The following MTOR variants were observed in gnomAD, a reference collection of about 807,000 sequenced individuals.
The protein encoded by MTOR is serine/threonine-protein kinase mTOR.
MTOR carries 70 observed loss-of-function variants against 319.8 expected under a neutral mutation model. That is an observed-to-expected ratio of 0.22 (90% confidence interval 0.18 to 0.27). The LOEUF is 0.27. Ranked by LOEUF, MTOR falls within the 10% of genes least tolerant of loss-of-function variation. The pLI is 1.00. For missense variants in MTOR, 1,890 were observed against 3,274.4 expected (o/e 0.58, Z 10.32); for synonymous variants, 1,183 against 1,211.4 (o/e 0.98, Z 0.49).
At chr1:11,227,481 T>A (rs1451490299) in intron 19 of MTOR, among the ~76,000 whole-genome samples, 1 of 152,134 alleles carries the variant, frequency 6.6e-6, no homozygotes. Flanking sequence ...AAGTAACTAA[T>A]TGAGGTATCT....
rs779258858 is a variant in MTOR, at chr1:11,238,548, C to A, written c.1856G>T (p.Arg619Leu). Residue 619 changes from arginine (R) to leucine (L), a missense_variant, in exon 12 of 58, where the codon CGC becomes CTC. Arg to Leu is a moderately radical substitution (Grantham distance 102). Around this residue, in one of 15 missense-constraint regions of MTOR, gnomAD observed 418 missense variants for 543.1 expected, o/e 0.77. Coordinates refer to ENST00000361445, the MANE Select transcript of MTOR (RefSeq NM_004958.4). The part of the protein sequence containing the change: ...HFLNSEHKEI[R>L]MEAARTCSRL... ...GGAGCAGGTGCGGGCAGCCTCCATG[C>A]GGATCTCCTTGTGCTCACTGTTCAG... is the stretch of plus-strand genomic sequence containing the variant. 4.3e-6 allele frequency: 7 copies of A among 1,614,158 alleles called. No homozygotes were observed. Among genetic ancestry groups the A allele is most frequent in the Non-Finnish European group, 5.1e-6 (6 of 1,180,034 alleles).
At chr1:11,150,284 T>C in intron 30 of MTOR, 58 bp from the exon 31 acceptor site, 1 of 1,463,336 alleles carries the variant, frequency 6.8e-7, no homozygotes, top group South Asian at 1.2e-5. Context: ...CTACCAATCT[T>C]CCTCTCCTGC....
intron 29 of MTOR, among the ~76,000 whole-genome samples, chr1:11,166,234 A>G (rs1310993899): frequency 1.3e-5 from 2 of 152,358 alleles, no homozygotes; most frequent in African/African-American, 2.4e-5. Flanking sequence ...ACAAAAGCCA[A>G]AATTGACAAA....
At position 11,212,293 on chromosome 1, in the gene MTOR, G is replaced by A. The variant is rs762462291; in HGVS notation, c.3561+19C>T. 1 of 1,609,920 alleles carries A rather than the reference G, an allele frequency of 6.2e-7. No homozygotes were observed. The highest frequency in any genetic ancestry group is 8.5e-7 in the Non-Finnish European group (1 of 1,177,794). On this transcript the variant is annotated intron_variant, in intron 23 of 57. Transcript: ENST00000361445. The surrounding 1 kb of genome is among the most constrained non-coding windows in gnomAD (Gnocchi z 4.1). ...AAATAAGGCAGAAGAGCACCTGTCT[G>A]TCCAGACTCCCATCTTACCTTCTTC... is the stretch of plus-strand genomic sequence containing the variant.
In MTOR at chr1:11,127,285, G is replaced by T; in HGVS notation, c.6217-141C>A. 2 of 1,203,802 alleles carry T rather than the reference G, an allele frequency of 1.7e-6. No homozygotes were observed. The highest frequency in any genetic ancestry group is 2.3e-6 in the Non-Finnish European group (2 of 870,854). 74.6% of individuals were successfully genotyped at this position (1,203,802 alleles called of 1,614,324 possible). On this transcript the variant is annotated intron_variant, in intron 44 of 57. Transcript: ENST00000361445. This position sits in a 1 kb window ranked among gnomAD's most constrained non-coding sequence, Gnocchi z 5.5. ...TGGCAGGGGGCTGGAGAAAGCAAGAGCATAGGTGCAGGCCTCCAACCCTGG... is the reference window on the plus strand; with the variant it reads ...TGGCAGGGGGCTGGAGAAAGCAAGATCATAGGTGCAGGCCTCCAACCCTGG...
chr1:11,122,863 G>A (rs1339765290), intron 47 of MTOR, among the ~76,000 whole-genome samples: 1 of 152,160 alleles, frequency 6.6e-6, no homozygotes, highest in African/African-American at 2.4e-5. Flanking sequence ...AGTGTGTGTT[G>A]AGGGATGCTT....
At chr1:11,130,857 A>G (rs2100434951) in intron 38 of MTOR, 80 bp from the exon 39 acceptor site, 12 of 1,489,960 alleles carry the variant, frequency 8.1e-6, no homozygotes, top group Non-Finnish European at 1.1e-5. Context: ...GTCGATGCTG[A>G]GGAACAGCTG....
rs1553171288 is a variant in MTOR, at chr1:11,115,222, A to G, written c.7089+174T>C. Among the ~76,000 whole-genome samples, 1 of 152,176 alleles carries G rather than the reference A, an allele frequency of 6.6e-6. No individual in the cohort carries two copies. The highest frequency in any genetic ancestry group is 1.5e-5 in the Non-Finnish European group (1 of 68,032). On this transcript the variant is annotated intron_variant, in intron 51 of 57. Coordinates refer to ENST00000361445, the MANE Select transcript of MTOR (RefSeq NM_004958.4). The surrounding 1 kb of genome is among the most constrained non-coding windows in gnomAD (Gnocchi z 4.5). ...GCAGCCCTTGCTCCAAGGGGGTTAG[A>G]GTCCAACTAAGAGCCCAGATTTCAT...
At chr1:11,231,530 G>T in intron 16 of MTOR, 96 bp from the exon 17 acceptor site, 2 of 1,452,488 alleles carry the variant, frequency 1.4e-6, no homozygotes, top group Admixed American at 2.3e-5. Context: ...AAGTGTTAGA[G>T]GCTGTAAGAA....
chr1:11,125,603 G>C (rs977391239), intron 46 of MTOR, among the ~76,000 whole-genome samples: 1 of 151,126 alleles, frequency 6.6e-6, no homozygotes, highest in Non-Finnish European at 1.5e-5. Context: ...TGTGGCATGC[G>C]CCTGTAATCT....
At chr1:11,151,471 TA>T (rs1275808854) in intron 30 of MTOR, among the ~76,000 whole-genome samples, 2 of 151,980 alleles carry the variant, frequency 1.3e-5, no homozygotes, top group Non-Finnish European at 2.9e-5. Flanking sequence ...TGGGCCCTGC[TA>T]GGGGTTCCCT....
intron 11 of MTOR, 143 bp from the exon 12 acceptor site, chr1:11,238,760 A>G: frequency 1.5e-6 from 1 of 647,678 alleles, no homozygotes; most frequent in Admixed American, 3.5e-5. Flanking sequence ...CTGACCCGGA[A>G]CTCTTCTTTT....
intron 11 of MTOR, among the ~76,000 whole-genome samples, chr1:11,238,991 G>A (rs1043255957): frequency 6.6e-6 from 1 of 151,310 alleles, no homozygotes; most frequent in Non-Finnish European, 1.5e-5. Context: ...AGCTAGGATG[G>A]TCTCGATCTC....
At chr1:11,250,498 C>G (rs1649533192) in intron 6 of MTOR, among the ~76,000 whole-genome samples, 1 of 152,192 alleles carries the variant, frequency 6.6e-6, no homozygotes, top group Non-Finnish European at 1.5e-5. Context: ...TTCTCAGACT[C>G]TAAACTCTCC....
At chr1:11,143,769 T>C (rs978249193) in intron 34 of MTOR, 2 of 152,174 alleles carry the variant, frequency 1.3e-5, no homozygotes, top group Non-Finnish European at 2.9e-5. Context: ...GGGGATCTAG[T>C]TGAGAGGAAA....
intron 2 of MTOR, 92 bp downstream of exon 2, chr1:11,259,156 C>T (rs1030520282): frequency 4.8e-5 from 70 of 1,470,526 alleles, no homozygotes; most frequent in South Asian, 1.3e-4. Flanking sequence ...TTTTCCAAAT[C>T]CTCACTTAGC....
chr1:11,181,613 T>C (rs529553519), intron 28 of MTOR, among the ~76,000 whole-genome samples: 4 of 152,302 alleles, frequency 2.6e-5, no homozygotes, highest in African/African-American at 4.8e-5. Context: ...TTTGATTCTA[T>C]GACTAAGACC....
chr1:11,139,386 C>T lies in MTOR; in HGVS notation c.5048G>A (p.Arg1683Gln), dbSNP rs746116382. The T allele has an allele frequency of 1.1e-5, 17 of 1,613,622 alleles. No individual in the cohort carries two copies. Among genetic ancestry groups the T allele is most frequent in the African/African-American group, 2.7e-5 (2 of 74,846 alleles). The change falls in exon 36 of 58, where the codon CGG becomes CAG. Residue 1683 changes from arginine to glutamine, a missense_variant. This residue lies in a region of MTOR where 276 missense variants were observed against 459.4 expected (regional missense o/e 0.60). Transcript: ENST00000361445. ...TGTTGGCAGAGGATGGTCAAGTTGC[C>T]GAGACGGATCAACTCCCAGGAGCAA... ...LVLLLGVDPS[R>Q]QLDHPLPTVH... is the part of the protein sequence containing the mutation.
intron 8 of MTOR, 90 bp from the exon 9 acceptor site, chr1:11,243,390 T>A: frequency 1.6e-6 from 2 of 1,260,704 alleles, no homozygotes; most frequent in South Asian, 2.9e-5. Context: ...CAATTCAGTT[T>A]AAGAATAAAT....
Sources: allele counts gnomAD v4.1 joint callset (sites outside exome capture counted in the v4.1 genomes callset), GRCh38; gene constraint gnomAD v4.1.1; regional missense constraint gnomAD v4.1.1; non-coding constraint Gnocchi (gnomAD v3.1); transcripts MANE v1.5; gene names NCBI Gene and HGNC (gene_info 2026-07-23, HGNC 2026-07-21).